The following ATP2B2 variants were observed in gnomAD, a reference collection of about 807,000 sequenced individuals.
ATP2B2 encodes plasma membrane calcium-transporting ATPase 2.
A neutral mutation model predicts 120.0 loss-of-function variants in ATP2B2; 15 were observed. That is an observed-to-expected ratio of 0.12 (90% confidence interval 0.08 to 0.19). The LOEUF is 0.19. ATP2B2 is among the 10% of genes least tolerant of loss of function. The probability of loss-of-function intolerance (pLI) is 1.00; values close to 1 mark genes in which losing one functional copy is unlikely to be tolerated. For synonymous variants in ATP2B2, 694 were observed against 700.3 expected (o/e 0.99, Z 0.14); for missense variants, 1,045 against 1,719.8 (o/e 0.61, Z 6.94).
chr3:10,329,218 G>T lies in ATP2B2; in HGVS notation c.3421-93C>A. On this transcript the variant is annotated intron_variant, in intron 22 of 22. Transcript: ENST00000360273. The surrounding 1 kb of genome is among the most constrained non-coding windows in gnomAD (Gnocchi z 5.9). ...GAGGGGCGGGTGGGAGAAGGGTTAG[G>T]GCAAAGCAGGTGGCTGGAATCCATA... The T allele has an allele frequency of 8.1e-7, 1 of 1,239,012 alleles. No individual in the cohort carries two copies. The highest frequency in any genetic ancestry group is 1.2e-6 in the Non-Finnish European group (1 of 854,978). The allele number at this position is 1,239,012 out of a possible 1,614,324, so 76.8% of individuals were successfully genotyped here. A position where few individuals can be genotyped will look rare whatever the true frequency, so the allele number is the denominator to read the frequency against.
At chr3:10,546,423 C>A (rs571624182) in intron 2 of ATP2B2, among the ~76,000 whole-genome samples, 84 of 152,316 alleles carry the variant, frequency 5.5e-4, no homozygotes, top group African/African-American at 2.0e-3. Flanking sequence ...CCCTGCCCAG[C>A]CCCTCTGTCC....
chr3:10,439,360 G>C (rs1445898499), intron 2 of ATP2B2, among the ~76,000 whole-genome samples: 1 of 152,170 alleles, frequency 6.6e-6, no homozygotes, highest in African/African-American at 2.4e-5. Flanking sequence ...GTCGATAAGG[G>C]CCAAAGTCAG....
chr3:10,681,408 C>A (rs955486347), intron 1 of ATP2B2, among the ~76,000 whole-genome samples: 33 of 152,198 alleles, frequency 2.2e-4, no homozygotes, highest in Admixed American at 6.5e-5. Context: ...ATGTCCCGTG[C>A]ACCCCCATTG....
chr3:10,673,864 A>AAAGC (rs948770734), intron 1 of ATP2B2, among the ~76,000 whole-genome samples: 67 of 151,436 alleles, frequency 4.4e-4, no homozygotes, highest in Non-Finnish European at 1.0e-4. Context: ...GAAGGAAGAG[A>AAAGC]AAGCAAGCCT....
intron 1 of ATP2B2, among the ~76,000 whole-genome samples, chr3:10,705,630 T>A (rs1348795141): frequency 6.6e-6 from 1 of 152,208 alleles, no homozygotes; most frequent in Non-Finnish European, 1.5e-5. Context: ...GTAGCAGAGG[T>A]GGTCCCAGCT....
chr3:10,403,738 A>G (rs2124981107), intron 3 of ATP2B2, among the ~76,000 whole-genome samples: 1 of 152,336 alleles, frequency 6.6e-6, no homozygotes, highest in Non-Finnish European at 1.5e-5. Flanking sequence ...CTGTGCACCC[A>G]GCATCCACTT....
At chr3:10,472,029 C>G (rs1198148169) in intron 1 of ATP2B2, among the ~76,000 whole-genome samples, 1 of 143,526 alleles carries the variant, frequency 7.0e-6, no homozygotes, top group East Asian at 2.1e-4. Flanking sequence ...TGGAGTGAGC[C>G]GAGATTGCGC....
intron 2 of ATP2B2, among the ~76,000 whole-genome samples, chr3:10,594,732 AATAATAAT>A (rs1415775412): frequency 6.6e-6 from 1 of 151,652 alleles, no homozygotes; most frequent in African/African-American, 2.4e-5. Context: ...TAATAATAAT[AATAATAAT>A]AAAAGAAACA....
In ATP2B2 at chr3:10,471,762, T is replaced by C. The variant is rs536546559; in HGVS notation, c.-319-21900A>G. ...CATCATATTGTCCCCCATAAATGTA[T>C]ACAATTATGATTCATTAATTTAAAA... On this transcript the variant is annotated intron_variant, in intron 1 of 22. Transcript: ENST00000360273. 3.9e-5 allele frequency among the ~76,000 whole-genome samples: 6 copies of C among 152,208 alleles called. No individual in the cohort carries two copies. The East Asian group carries it at 9.7e-4, about 24-fold the overall frequency.
chr3:10,609,869 G>A (rs2125606101), intron 2 of ATP2B2, among the ~76,000 whole-genome samples: 1 of 152,138 alleles, frequency 6.6e-6, no homozygotes, highest in Non-Finnish European at 1.5e-5. Flanking sequence ...GGCACTGAGT[G>A]ACCCTTCAAG....
chr3:10,393,626 A>C (rs990560156), intron 5 of ATP2B2, among the ~76,000 whole-genome samples: 1 of 152,166 alleles, frequency 6.6e-6, no homozygotes, highest in Non-Finnish European at 1.5e-5. Context: ...GGCAGCCCCA[A>C]GGAGAGAAAG....
intron 1 of ATP2B2, among the ~76,000 whole-genome samples, chr3:10,700,526 A>G (rs926608577): frequency 3.9e-5 from 6 of 152,364 alleles, no homozygotes; most frequent in Admixed American, 1.3e-4. Flanking sequence ...CATGCACAGT[A>G]GGGAGACTAG....
intron 2 of ATP2B2, among the ~76,000 whole-genome samples, chr3:10,540,553 G>A (rs2067414726): frequency 6.6e-6 from 1 of 152,098 alleles, no homozygotes; most frequent in Non-Finnish European, 1.5e-5. Flanking sequence ...AAAAGGATGA[G>A]TTAATGTCCT....
chr3:10,606,956 G>C (rs1293148028), intron 2 of ATP2B2, among the ~76,000 whole-genome samples: 1 of 5,796 alleles, frequency 1.7e-4, no homozygotes, highest in Non-Finnish European at 4.7e-4. Context: ...GAGAGGGGGA[G>C]GGGGGGAGAG....
At chr3:10,655,871 G>T (rs1445754474) in intron 1 of ATP2B2, among the ~76,000 whole-genome samples, 1 of 152,248 alleles carries the variant, frequency 6.6e-6, no homozygotes, top group African/African-American at 2.4e-5. Context: ...CCAATTCAAC[G>T]TGCCTCCTCC....
Position 10,328,839 on chromosome 3 carries a change from A to T in ATP2B2, c.3707T>A (p.Ile1236Asn). The T allele has an allele frequency of 6.2e-7, 1 of 1,611,858 alleles. No individual in the cohort carries two copies. Among genetic ancestry groups the T allele is most frequent in the Admixed American group, 1.7e-5 (1 of 59,980 alleles). ...CTAAAGCGACGTCTCCAGGCTGTGG[A>T]TGGGGCTCCCTGGACTTGAAGAGGT... Reference protein sequence around the residue: ...SATSSSPGSPIHSLETSL With the variant: ...SATSSSPGSPNHSLETSL The change falls in exon 23 of 23, where the codon ATC becomes AAC. Residue 1236 changes from isoleucine to asparagine, a missense_variant. By Grantham distance (149) the Ile-to-Asn change is moderately radical. Transcript: ENST00000360273.
chr3:10,472,181 A>G (rs1244846635), intron 1 of ATP2B2, among the ~76,000 whole-genome samples: 1 of 150,278 alleles, frequency 6.7e-6, no homozygotes, highest in Non-Finnish European at 1.5e-5. Context: ...TGAAGCCAAG[A>G]CACAGAGACC....
chr3:10,440,902 C>G (rs2063642022), intron 2 of ATP2B2, among the ~76,000 whole-genome samples: 1 of 152,194 alleles, frequency 6.6e-6, no homozygotes, highest in Non-Finnish European at 1.5e-5. Context: ...TCCTGTTTCA[C>G]AGGGGTGATG....
intron 2 of ATP2B2, among the ~76,000 whole-genome samples, chr3:10,536,930 T>C (rs1223902845): frequency 3.9e-5 from 6 of 152,240 alleles, no homozygotes; most frequent in Non-Finnish European, 7.3e-5. Context: ...TAGGTTGAAG[T>C]TATTATCATT....
Sources: allele counts gnomAD v4.1 joint callset (sites outside exome capture counted in the v4.1 genomes callset), GRCh38; gene constraint gnomAD v4.1.1; non-coding constraint Gnocchi (gnomAD v3.1); transcripts MANE v1.5; gene names NCBI Gene and HGNC (gene_info 2026-07-23, HGNC 2026-07-21).